MYO5B: variants seen among roughly 807,000 people sequenced by gnomAD.
MYO5B encodes myosin VB.
In MYO5B, 143 loss-of-function variants were observed where a neutral mutation model predicts 229.3. The observed-to-expected ratio is 0.62, with a 90% confidence interval of 0.54 to 0.72. The LOEUF is 0.72. Ranked by LOEUF, MYO5B falls within the 30% of genes least tolerant of loss-of-function variation. The probability of loss-of-function intolerance (pLI) is 0.00; values close to 1 mark genes in which losing one functional copy is unlikely to be tolerated. For synonymous variants in MYO5B, 918 were observed against 885.2 expected (o/e 1.04, Z -0.66); for missense variants, 2,321 against 2,331.0 (o/e 1.00, Z 0.09).
At chr18:50,030,888 A>G (rs1157402597) in intron 4 of MYO5B, among the ~76,000 whole-genome samples, 1 of 9,070 alleles carries the variant, frequency 1.1e-4, no homozygotes, top group African/African-American at 2.9e-4. Context: ...AAAAAAAAAA[A>G]AAAAAAAAAA....
At chr18:50,184,238 C>T (rs769177678) in intron 1 of MYO5B, among the ~76,000 whole-genome samples, 3 of 152,008 alleles carry the variant, frequency 2.0e-5, no homozygotes, top group Non-Finnish European at 4.4e-5. Context: ...CCAGGATGCA[C>T]GTGGGGCTGG....
intron 1 of MYO5B, among the ~76,000 whole-genome samples, chr18:50,059,417 G>GA (rs1371285689): frequency 2.6e-5 from 4 of 152,228 alleles, no homozygotes; most frequent in African/African-American, 4.8e-5. Flanking sequence ...TGGAGAGAAG[G>GA]AAGACAGGGA....
At chr18:50,173,354 A>G (rs114886087) in intron 1 of MYO5B, among the ~76,000 whole-genome samples, 2,318 of 151,926 alleles carry the variant, frequency 0.015, 57 homozygotes, top group African/African-American at 0.053. Flanking sequence ...GGGGCAGGAT[A>G]GCAGGGCCCA....
chr18:50,178,896 AG>A (rs1479072675), intron 1 of MYO5B, among the ~76,000 whole-genome samples: 3 of 152,200 alleles, frequency 2.0e-5, no homozygotes, highest in African/African-American at 7.2e-5. Context: ...ATGTTAACAC[AG>A]TGGGCCATCC....
chr18:50,073,155 C>T (rs1188645678), intron 1 of MYO5B, among the ~76,000 whole-genome samples: 6 of 152,192 alleles, frequency 3.9e-5, no homozygotes, highest in African/African-American at 9.7e-5. Context: ...TATACAAATG[C>T]TAATTGCTAT....
At chr18:49,900,587 A>C (rs1324488732) in intron 21 of MYO5B, among the ~76,000 whole-genome samples, 1 of 152,230 alleles carries the variant, frequency 6.6e-6, no homozygotes, top group Non-Finnish European at 1.5e-5. Context: ...GCTTAGGTGT[A>C]AAATGCTTTT....
intron 1 of MYO5B, among the ~76,000 whole-genome samples, chr18:50,081,184 A>G (rs112886413): frequency 0.013 from 1,990 of 151,932 alleles, 35 homozygotes; most frequent in African/African-American, 0.045. Flanking sequence ...ATTTAGGTCA[A>G]CCTCTTCAGT....
intron 16 of MYO5B, among the ~76,000 whole-genome samples, chr18:49,931,824 G>A (rs1472260383): frequency 6.6e-6 from 1 of 152,162 alleles, no homozygotes; most frequent in African/African-American, 2.4e-5. Context: ...AGGCAGAGCG[G>A]ACACCCCTGT....
intron 20 of MYO5B, 108 bp from the exon 21 acceptor site, chr18:49,902,941 C>G: frequency 1.4e-6 from 2 of 1,400,896 alleles, no homozygotes; most frequent in Non-Finnish European, 2.0e-6. Flanking sequence ...AGCCTTGGTT[C>G]TAGGAGTTAC....
intron 1 of MYO5B, among the ~76,000 whole-genome samples, chr18:50,177,928 T>C (rs530416351): frequency 6.6e-6 from 1 of 152,318 alleles, no homozygotes; most frequent in African/African-American, 2.4e-5. Context: ...CCACAGCCCA[T>C]CCTTCTTGTC....
chr18:49,875,669 T>C lies in MYO5B; in HGVS notation c.3537+18A>G. 1 of 1,614,054 alleles carries C rather than the reference T, an allele frequency of 6.2e-7. No homozygotes were observed. Among genetic ancestry groups the C allele is most frequent in the Non-Finnish European group, 8.5e-7 (1 of 1,179,952 alleles). On this transcript the variant is annotated intron_variant, in intron 26 of 39. Transcript: ENST00000285039. ...TCTCATCCAAGCACCATAAGAGCAC[T>C]GCAGCCCCTTCACGTACCTGGACTT...
intron 1 of MYO5B, among the ~76,000 whole-genome samples, chr18:50,138,685 A>G (rs918540010): frequency 6.6e-6 from 1 of 152,200 alleles, no homozygotes; most frequent in African/African-American, 2.4e-5. Flanking sequence ...ATTATGCTCA[A>G]TAACCTCTAA....
chr18:49,854,751 G>A (rs775962641), intron 30 of MYO5B, among the ~76,000 whole-genome samples: 12 of 152,166 alleles, frequency 7.9e-5, no homozygotes, highest in South Asian at 2.1e-4. Context: ...GGAGGAAGGC[G>A]CCATGTTTTT....
chr18:50,190,237 G>A (rs1446255810), intron 1 of MYO5B, among the ~76,000 whole-genome samples: 1 of 152,192 alleles, frequency 6.6e-6, no homozygotes, highest in Non-Finnish European at 1.5e-5. Context: ...TACATTTTAT[G>A]CTTTAAAATC....
chr18:50,043,167 A>G (rs2030072862), intron 2 of MYO5B, among the ~76,000 whole-genome samples: 1 of 148,812 alleles, frequency 6.7e-6, no homozygotes, highest in Non-Finnish European at 1.5e-5. Context: ...CAATTCCAAA[A>G]TTTGGAACCA....
At chr18:50,056,078 T>C (rs1159277466) in intron 1 of MYO5B, among the ~76,000 whole-genome samples, 2 of 152,140 alleles carry the variant, frequency 1.3e-5, no homozygotes, top group African/African-American at 4.8e-5. Flanking sequence ...CCAGGCCTAT[T>C]TGTCCATTCT....
At chr18:50,138,131 A>T (rs991654) in intron 1 of MYO5B, among the ~76,000 whole-genome samples, 32,329 of 152,124 alleles carry the variant, frequency 0.21, 3,799 homozygotes, top group Non-Finnish European at 0.26. Context: ...ATACCCGTGA[A>T]CATATACTCC....
chr18:49,944,857 C>T (rs1241831115), intron 14 of MYO5B, among the ~76,000 whole-genome samples: 4 of 152,166 alleles, frequency 2.6e-5, no homozygotes, highest in Non-Finnish European at 2.9e-5. Flanking sequence ...CCGCCTTCCA[C>T]GCCGCTCCTC....
At chr18:50,047,024 C>G (rs1187483153) in intron 2 of MYO5B, among the ~76,000 whole-genome samples, 1 of 152,134 alleles carries the variant, frequency 6.6e-6, no homozygotes, top group Non-Finnish European at 1.5e-5. Context: ...AGGACATAGG[C>G]ATGGGCAAGG....
Sources: allele counts gnomAD v4.1 joint callset (sites outside exome capture counted in the v4.1 genomes callset), GRCh38; gene constraint gnomAD v4.1.1; transcripts MANE v1.5; gene names NCBI Gene and HGNC (gene_info 2026-07-23, HGNC 2026-07-21).